MLLT10: variants seen among roughly 807,000 people sequenced by gnomAD.
The protein encoded by MLLT10 is protein AF-10.
Under a neutral mutation model 129.1 loss-of-function variants are expected in MLLT10, and 30 were observed. The observed-to-expected ratio is 0.23, with a 90% CI of 0.17 to 0.32. The LOEUF is 0.32. Among genes scored for constraint, MLLT10 ranks in the 10% least tolerant of loss-of-function variants. The pLI is 1.00. For missense variants in MLLT10, 1,119 were observed against 1,268.3 expected, an observed-to-expected ratio of 0.88 and a Z score of 1.79; for synonymous variants, 490 against 446.4, an observed-to-expected ratio of 1.10 and a Z score of -1.23.
At chr10:21,655,532 T>A (rs553700460) in intron 9 of MLLT10, among the ~76,000 whole-genome samples, 102 of 152,142 alleles carry the variant, frequency 6.7e-4, no homozygotes, top group African/African-American at 2.4e-3. Context: ...GATTTTTTTT[T>A]AAAAAGCCAT....
At chr10:21,717,939 T>TTTCTTCTTTCTTCTTCTTTC (rs765416746) in intron 14 of MLLT10, among the ~76,000 whole-genome samples, 1 of 142,400 alleles carries the variant, frequency 7.0e-6, no homozygotes, top group African/African-American at 2.7e-5. Context: ...TTCTCCTTCT[T>TTTCTTCTTTCTTCTTCTTTC]TTCTTCTTTC....
chr10:21,534,306 G>GGGCC lies in MLLT10; in HGVS notation c.-215_-214insGGCC. 1 of 328,452 alleles carries GGGCC rather than the reference G, an allele frequency of 3.0e-6. No individual in the cohort carries two copies. The highest frequency in any genetic ancestry group is 5.5e-6 in the Non-Finnish European group (1 of 183,338). 20.3% of individuals were successfully genotyped at this position (328,452 alleles called of 1,614,324 possible). ...CCTCGCTGCCCCTGGCCCAGCGGGA[G>GGGCC]CCCCCCCTCCCCCCAGTGCGCCTGT... On this transcript the variant is annotated 5_prime_UTR_variant, in exon 1 of 23. Coordinates refer to ENST00000307729, the MANE Select transcript of MLLT10 (RefSeq NM_001195626.3).
chr10:21,708,598 A>T (rs2055768027), intron 13 of MLLT10: 1 of 985,128 alleles, frequency 1.0e-6, no homozygotes, highest in African/African-American at 1.7e-5. Context: ...TAAACTGAGT[A>T]CCAGATATTG....
chr10:21,701,855 C>T (rs1387445795), intron 13 of MLLT10, among the ~76,000 whole-genome samples: 1 of 152,170 alleles, frequency 6.6e-6, no homozygotes, highest in East Asian at 1.9e-4. Context: ...TCCCAAAGTG[C>T]TGGGGTTACA....
chr10:21,615,556 T>C (rs568402782), intron 7 of MLLT10, among the ~76,000 whole-genome samples: 1 of 152,038 alleles, frequency 6.6e-6, no homozygotes. Context: ...TAGGAAACTT[T>C]ATATTTTTAA....
chr10:21,742,146 TTTC>T lies in MLLT10; in HGVS notation c.*166_*168del, dbSNP rs1281574327. 1.6e-6 allele frequency: 1 copy of T among 620,670 alleles called. No individual in the cohort carries two copies. The highest frequency in any genetic ancestry group is 2.7e-6 in the Non-Finnish European group (1 of 372,562). The allele number at this position is 620,670 out of a possible 1,614,324, so 38.4% of individuals were successfully genotyped here. A position where few individuals can be genotyped will look rare whatever the true frequency, so the allele number is the denominator to read the frequency against. ...ACATTCTTGTAAGGCTTTGATTAGT[TTTC>T]TTGTTGCTTTGTTGCACTGAAATGG... is the stretch of plus-strand genomic sequence containing the variant. On this transcript the variant is annotated 3_prime_UTR_variant, in exon 23 of 23. Coordinates refer to ENST00000307729, the MANE Select transcript of MLLT10 (RefSeq NM_001195626.3).
At chr10:21,614,651 G>A (rs1424866712) in intron 6 of MLLT10, among the ~76,000 whole-genome samples, 180 bp from the exon 7 acceptor site, 3 of 152,136 alleles carry the variant, frequency 2.0e-5, no homozygotes, top group Non-Finnish European at 4.4e-5. Context: ...AAGATCAGTT[G>A]CAGGTTGGGG....
chr10:21,668,747 T>TG (rs2051099444), intron 9 of MLLT10, among the ~76,000 whole-genome samples: 1 of 152,080 alleles, frequency 6.6e-6, no homozygotes, highest in African/African-American at 2.4e-5. Flanking sequence ...GTTAAATAAG[T>TG]GGGAAAAATG....
At chr10:21,619,149 G>A (rs1183871921) in intron 8 of MLLT10, among the ~76,000 whole-genome samples, 1 of 152,080 alleles carries the variant, frequency 6.6e-6, no homozygotes, top group Non-Finnish European at 1.5e-5. Flanking sequence ...AGTGACGGTA[G>A]TAGGAGCCTG....
chr10:21,673,776 T>C lies in MLLT10; in HGVS notation c.1478T>C (p.Leu493Pro). ...GNKNQENVSH[L>P]SVSSASPTSS... ...AAAAATCAAGAGAATGTTTCTCATC[T>C]CTCAGTTTCTTCTGCTTCACCAACA... is the stretch of plus-strand genomic sequence containing the variant. Residue 493 changes from leucine (L) to proline (P), a missense_variant, in exon 11 of 23, where the codon CTC becomes CCC. Leu to Pro is a moderately conservative substitution (Grantham distance 98). Around this residue, in one of 5 missense-constraint regions of MLLT10, gnomAD observed 1,004 missense variants for 1,008.7 expected, o/e 1.00. Coordinates refer to ENST00000307729, the MANE Select transcript of MLLT10 (RefSeq NM_001195626.3). 2 of 1,614,172 alleles carry C rather than the reference T, an allele frequency of 1.2e-6. No homozygotes were observed. Among genetic ancestry groups the C allele is most frequent in the South Asian group, 1.1e-5 (1 of 91,080 alleles).
chr10:21,632,975 T>C (rs2047140286), intron 8 of MLLT10, among the ~76,000 whole-genome samples: 1 of 152,198 alleles, frequency 6.6e-6, no homozygotes, highest in South Asian at 2.1e-4. Context: ...ACATGGCATG[T>C]CAAAGAACTT....
chr10:21,615,453 G>A (rs1313328442), intron 7 of MLLT10, among the ~76,000 whole-genome samples: 3 of 97,772 alleles, frequency 3.1e-5, no homozygotes, highest in Admixed American at 3.1e-4. Flanking sequence ...GTGAGACTCC[G>A]TCTCAAAAAA....
chr10:21,649,410 C>G (rs571824378), intron 8 of MLLT10, among the ~76,000 whole-genome samples: 1 of 152,304 alleles, frequency 6.6e-6, no homozygotes, highest in South Asian at 2.1e-4. Flanking sequence ...TTCTTTAGCT[C>G]CCATGACCCA....
chr10:21,665,980 G>T (rs1446662000), intron 9 of MLLT10, among the ~76,000 whole-genome samples: 2 of 152,128 alleles, frequency 1.3e-5, no homozygotes, highest in African/African-American at 4.8e-5. Flanking sequence ...GAATTACAGT[G>T]TGAGCCACTG....
intron 13 of MLLT10, among the ~76,000 whole-genome samples, chr10:21,695,995 T>A (rs2054324679): frequency 6.8e-6 from 1 of 148,096 alleles, no homozygotes; most frequent in African/African-American, 2.5e-5. Flanking sequence ...CCACTGAAAG[T>A]GTAGCTTTTT....
upstream of MLLT10, chr10:21,534,102 G>T: frequency 3.8e-6 from 1 of 265,644 alleles, no homozygotes. Flanking sequence ...CACCTCGGCG[G>T]CGGCGAGCGG....
At chr10:21,676,368 A>T (rs568824674) in intron 11 of MLLT10, among the ~76,000 whole-genome samples, 146 of 151,678 alleles carry the variant, frequency 9.6e-4, no homozygotes, top group Admixed American at 5.1e-3. Context: ...CAGTGAGCAG[A>T]GATCACACCA....
chr10:21,604,888 A>T (rs1296283032), intron 5 of MLLT10, among the ~76,000 whole-genome samples: 2 of 148,922 alleles, frequency 1.3e-5, no homozygotes, highest in South Asian at 2.1e-4. Context: ...ATGACTGCTT[A>T]GTTCCTATTT....
At chr10:21,631,415 T>C (rs1448049258) in intron 8 of MLLT10, among the ~76,000 whole-genome samples, 14 of 150,158 alleles carry the variant, frequency 9.3e-5, no homozygotes, top group Admixed American at 9.3e-4. Flanking sequence ...GAACTATGTC[T>C]GACTACGAAG....
Sources: allele counts gnomAD v4.1 joint callset (sites outside exome capture counted in the v4.1 genomes callset), GRCh38; gene constraint gnomAD v4.1.1; regional missense constraint gnomAD v4.1.1; transcripts MANE v1.5; gene names NCBI Gene and HGNC (gene_info 2026-07-23, HGNC 2026-07-21).